The following NLGN1 variants were observed in gnomAD, a reference collection of about 807,000 sequenced individuals.
NLGN1 encodes the protein neuroligin 1, also known as neuroligin-1.
NLGN1 carries 12 observed loss-of-function variants against 65.5 expected under a neutral mutation model. The ratio of observed to expected loss-of-function variants is 0.18; its 90% CI spans 0.12 to 0.30. NLGN1 has a LOEUF of 0.30. NLGN1 is among the 10% of genes least tolerant of loss of function. The pLI, the probability that NLGN1 is intolerant of heterozygous loss-of-function variation, is 1.00. For missense variants in NLGN1, 750 were observed against 1,007.1 expected (o/e 0.74, Z 3.46); for synonymous variants, 350 against 359.5 (o/e 0.97, Z 0.30).
intron 4 of NLGN1, among the ~76,000 whole-genome samples, chr3:174,223,024 T>C (rs191484174): frequency 1.3e-5 from 2 of 152,330 alleles, no homozygotes; most frequent in East Asian, 3.9e-4. Flanking sequence ...TAGATGCTTA[T>C]ATGCTTTGTG....
At chr3:173,638,310 T>C (rs1756908641) in intron 3 of NLGN1, among the ~76,000 whole-genome samples, 1 of 151,758 alleles carries the variant, frequency 6.6e-6, no homozygotes, top group Admixed American at 6.6e-5. Flanking sequence ...ATGAGTTTGA[T>C]GGTTCAGTCA....
intron 4 of NLGN1, among the ~76,000 whole-genome samples, chr3:174,135,467 C>A (rs1413449131): frequency 6.6e-6 from 1 of 152,094 alleles, no homozygotes; most frequent in Non-Finnish European, 1.5e-5. Flanking sequence ...ATTTTTCTAA[C>A]CCTCGAGAGA....
At chr3:173,542,528 C>T (rs1425812950) in intron 2 of NLGN1, among the ~76,000 whole-genome samples, 1 of 151,992 alleles carries the variant, frequency 6.6e-6, no homozygotes, top group African/African-American at 2.4e-5. Context: ...TTATTAGTCT[C>T]TTTATGGTAA....
intron 1 of NLGN1, among the ~76,000 whole-genome samples, chr3:173,424,407 C>T (rs2148710484): frequency 6.6e-6 from 1 of 152,308 alleles, no homozygotes; most frequent in Admixed American, 6.5e-5. Context: ...TTCTTTTCTA[C>T]CACATGGTCA....
At chr3:173,470,740 A>G (rs754653482) in intron 2 of NLGN1, among the ~76,000 whole-genome samples, 1 of 152,172 alleles carries the variant, frequency 6.6e-6, no homozygotes, top group Non-Finnish European at 1.5e-5. Flanking sequence ...GACTCAGCTC[A>G]GTATATTTTG....
At chr3:173,958,128 T>A (rs1222089456) in intron 4 of NLGN1, among the ~76,000 whole-genome samples, 6 of 152,132 alleles carry the variant, frequency 3.9e-5, no homozygotes, top group African/African-American at 1.4e-4. Context: ...AGGTCTGGGA[T>A]CCCCAAAGGG....
Position 173,403,867 on chromosome 3 carries a change from A to G in NLGN1, c.-390+5380A>G, listed in dbSNP as rs374491838. Among the ~76,000 whole-genome samples the G allele has an allele frequency of 9.9e-5, 15 of 152,280 alleles. No homozygotes were observed. In the South Asian group the frequency reaches 1.2e-3, roughly 13 times the overall value. Reference sequence around the variant, plus strand: ...CACAAACAAATGAGTGCCATCGCGCATCACTCAATACGTGTCTTTTTTTTC... The same window carrying G: ...CACAAACAAATGAGTGCCATCGCGCGTCACTCAATACGTGTCTTTTTTTTC... On this transcript the variant is annotated intron_variant, in intron 1 of 6. Coordinates refer to ENST00000457714, the Ensembl canonical transcript of NLGN1.
chr3:173,964,044 G>A (rs1214867611), intron 4 of NLGN1, among the ~76,000 whole-genome samples: 1 of 152,176 alleles, frequency 6.6e-6, no homozygotes, highest in Non-Finnish European at 1.5e-5. Context: ...AATGGAAAGT[G>A]TAAAAGCCAG....
intron 3 of NLGN1, among the ~76,000 whole-genome samples, chr3:173,789,290 A>G (rs763025149): frequency 5.3e-5 from 8 of 152,170 alleles, no homozygotes; most frequent in Non-Finnish European, 1.0e-4. Context: ...TGAAGTGTGC[A>G]TGCACTTTTT....
chr3:173,957,423 T>C (rs1323818751), intron 4 of NLGN1, among the ~76,000 whole-genome samples: 1 of 152,194 alleles, frequency 6.6e-6, no homozygotes, highest in Non-Finnish European at 1.5e-5. Context: ...TGCCTATTTT[T>C]CTCTCATGGG....
At chr3:173,838,583 C>G (rs1334081662) in intron 4 of NLGN1, among the ~76,000 whole-genome samples, 1 of 152,028 alleles carries the variant, frequency 6.6e-6, no homozygotes, top group Non-Finnish European at 1.5e-5. Context: ...TGCCTGCTTC[C>G]ATGCTGGACT....
chr3:173,527,294 C>A (rs1356148177), intron 2 of NLGN1, among the ~76,000 whole-genome samples: 1 of 152,182 alleles, frequency 6.6e-6, no homozygotes, highest in Non-Finnish European at 1.5e-5. Context: ...TTTTGATTTG[C>A]ATTTCTCTGA....
intron 4 of NLGN1, among the ~76,000 whole-genome samples, chr3:174,043,596 T>G (rs545376804): frequency 6.6e-6 from 1 of 152,350 alleles, no homozygotes; most frequent in South Asian, 2.1e-4. Context: ...TGACTCCATG[T>G]CTCACATCCA....
chr3:173,534,993 C>T (rs1737198566), intron 2 of NLGN1, among the ~76,000 whole-genome samples: 1 of 152,096 alleles, frequency 6.6e-6, no homozygotes, highest in African/African-American at 2.4e-5. Context: ...GGAACAAAAG[C>T]ACTAATAACT....
chr3:173,578,684 A>G (rs1745926632), intron 2 of NLGN1, among the ~76,000 whole-genome samples: 1 of 152,212 alleles, frequency 6.6e-6, no homozygotes, highest in African/African-American at 2.4e-5. Context: ...AGAAACATCT[A>G]AGATAATTTT....
At chr3:173,445,289 A>AAAAAC (rs1720044879) in intron 2 of NLGN1, among the ~76,000 whole-genome samples, 7 of 148,958 alleles carry the variant, frequency 4.7e-5, no homozygotes, top group African/African-American at 1.7e-4. Flanking sequence ...AAAAAAAAAA[A>AAAAAC]AAAAAACAAG....
chr3:173,516,809 C>T (rs1283500877), intron 2 of NLGN1, among the ~76,000 whole-genome samples: 1 of 151,992 alleles, frequency 6.6e-6, no homozygotes, highest in Non-Finnish European at 1.5e-5. Context: ...AGAGTATTAG[C>T]AGAAGACCAT....
At chr3:174,005,697 CT>C (rs36063785) in intron 4 of NLGN1, among the ~76,000 whole-genome samples, 1,660 of 143,432 alleles carry the variant, frequency 0.012, 10 homozygotes, top group East Asian at 0.027. Context: ...CTTAATTGAA[CT>C]TTTTTTTTTT....
chr3:173,431,241 T>G (rs1717105247), intron 1 of NLGN1, among the ~76,000 whole-genome samples: 1 of 152,200 alleles, frequency 6.6e-6, no homozygotes, highest in Admixed American at 6.5e-5. Context: ...CTGGCTCATC[T>G]TGTGCTTTTC....
Sources: gnomAD v4.1 joint callset for allele counts (sites outside exome capture counted in the v4.1 genomes callset) on GRCh38, gnomAD v4.1.1 for gene constraint, MANE v1.5 for transcripts, NCBI Gene and HGNC (gene_info 2026-07-23, HGNC 2026-07-21) for gene names.